The following VWC2L variants were observed in gnomAD, a reference collection of about 807,000 sequenced individuals.
VWC2L encodes von Willebrand factor C domain containing 2 like, also known as von Willebrand factor C domain-containing protein 2-like.
Under a neutral mutation model 21.6 loss-of-function variants are expected in VWC2L, and 10 were observed. The ratio of observed to expected loss-of-function variants is 0.46; its 90% CI spans 0.29 to 0.78. The LOEUF is 0.78. Among genes scored for constraint, VWC2L ranks in the 30% least tolerant of loss-of-function variants. The pLI is 0.10. For synonymous variants in VWC2L, 96 were observed against 94.3 expected (o/e 1.02, Z -0.10); for missense variants, 209 against 277.1 (o/e 0.75, Z 1.74).
chr2:214,425,373 A>G (rs987398502), intron 2 of VWC2L, among the ~76,000 whole-genome samples: 1 of 152,180 alleles, frequency 6.6e-6, no homozygotes, highest in Non-Finnish European at 1.5e-5. Context: ...TTTTAAATGT[A>G]TACATACTTA....
At chr2:214,494,515 C>A (rs1199490169) in intron 3 of VWC2L, among the ~76,000 whole-genome samples, 3 of 152,158 alleles carry the variant, frequency 2.0e-5, no homozygotes, top group African/African-American at 7.2e-5. Flanking sequence ...GGGCCTTTTT[C>A]CTCTTCCAAG....
intron 3 of VWC2L, among the ~76,000 whole-genome samples, chr2:214,505,474 G>C: frequency 6.6e-6 from 1 of 151,996 alleles, no homozygotes; most frequent in Admixed American, 6.5e-5. Flanking sequence ...ATAACTCCAA[G>C]CCTTGTTTTT....
chr2:214,470,461 G>T (rs1000029180), intron 3 of VWC2L, among the ~76,000 whole-genome samples: 1 of 152,066 alleles, frequency 6.6e-6, no homozygotes, highest in East Asian at 1.9e-4. Context: ...GTTTTTACAT[G>T]CTGCTGGGTG....
chr2:214,522,145 G>A (rs577479184), intron 3 of VWC2L, among the ~76,000 whole-genome samples: 1 of 152,236 alleles, frequency 6.6e-6, no homozygotes, highest in African/African-American at 2.4e-5. Flanking sequence ...GGAGGCCGAA[G>A]CGGGTGGATC....
chr2:214,544,737 T>A (rs546785515), intron 3 of VWC2L, among the ~76,000 whole-genome samples: 59 of 152,158 alleles, frequency 3.9e-4, no homozygotes, highest in African/African-American at 1.3e-3. Flanking sequence ...GCAAATATGA[T>A]GAGATGATTA....
intron 3 of VWC2L, among the ~76,000 whole-genome samples, chr2:214,501,957 C>G (rs960473215): frequency 2.6e-5 from 4 of 152,188 alleles, no homozygotes; most frequent in Non-Finnish European, 5.9e-5. Flanking sequence ...CACCTGCTGA[C>G]TGCAGCCACC....
chr2:214,411,876 G>A (rs568124846), intron 1 of VWC2L, 90 bp downstream of exon 1: 1 of 152,104 alleles, frequency 6.6e-6, no homozygotes, highest in East Asian at 1.9e-4. Context: ...ATGGGGAGGG[G>A]GGGAAAATTA....
chr2:214,511,552 G>A (rs1689053219), intron 3 of VWC2L, among the ~76,000 whole-genome samples: 1 of 152,124 alleles, frequency 6.6e-6, no homozygotes, highest in Non-Finnish European at 1.5e-5. Context: ...GGAAGAGGAT[G>A]CCTATCTGCA....
chr2:214,567,607 G>A (rs1559333846), intron 3 of VWC2L, among the ~76,000 whole-genome samples: 1 of 149,000 alleles, frequency 6.7e-6, no homozygotes, highest in Non-Finnish European at 1.5e-5. Flanking sequence ...GAGAGAGAGA[G>A]AGAGAGAGAT....
At chr2:214,447,007 G>A (rs1024880803) in intron 3 of VWC2L, among the ~76,000 whole-genome samples, 8 of 151,868 alleles carry the variant, frequency 5.3e-5, no homozygotes, top group African/African-American at 1.9e-4. Flanking sequence ...CTTCATTTAC[G>A]GTTTTTATAG....
chr2:214,457,837 C>G (rs535951983), intron 3 of VWC2L, among the ~76,000 whole-genome samples: 1 of 152,056 alleles, frequency 6.6e-6, no homozygotes. Flanking sequence ...GGTGCATTAT[C>G]TTTTGCATAT....
intron 3 of VWC2L, among the ~76,000 whole-genome samples, chr2:214,502,957 G>T (rs1029952430): frequency 3.3e-5 from 5 of 152,166 alleles, no homozygotes; most frequent in Admixed American, 2.6e-4. Flanking sequence ...GTTGTTGTGT[G>T]CATTTATTAG....
chr2:214,413,996 T>C (rs1032523100), intron 1 of VWC2L, 118 bp from the exon 2 acceptor site: 1 of 554,094 alleles, frequency 1.8e-6, no homozygotes, highest in Non-Finnish European at 3.0e-6. Context: ...ATGAACTTAG[T>C]CTATTTGAGG....
At chr2:214,443,298 G>C (rs1456414842) in intron 3 of VWC2L, among the ~76,000 whole-genome samples, 2 of 152,028 alleles carry the variant, frequency 1.3e-5, no homozygotes, top group African/African-American at 4.8e-5. Context: ...CTTCAACTTG[G>C]GAGGCAGAGG....
chr2:214,520,058 T>TACACACACACACACACACACACAC (rs60850327), intron 3 of VWC2L, among the ~76,000 whole-genome samples: 2 of 143,252 alleles, frequency 1.4e-5, no homozygotes, highest in Non-Finnish European at 1.5e-5. Context: ...GCTCCTGTTA[T>TACACACACACACACACACACACAC]ACACACACAC....
At chr2:214,463,797 C>A (rs576846606) in intron 3 of VWC2L, among the ~76,000 whole-genome samples, 2 of 152,130 alleles carry the variant, frequency 1.3e-5, no homozygotes, top group East Asian at 3.9e-4. Flanking sequence ...CTAAGATTTG[C>A]CCTTTTGAGG....
At chr2:214,437,100 C>T (rs1008820370) in intron 3 of VWC2L, among the ~76,000 whole-genome samples, 1 of 152,028 alleles carries the variant, frequency 6.6e-6, no homozygotes, top group Non-Finnish European at 1.5e-5. Context: ...AAGCAGTTCA[C>T]CCCATTTTGT....
At chr2:214,426,792 T>C (rs1484335722) in intron 2 of VWC2L, among the ~76,000 whole-genome samples, 2 of 152,244 alleles carry the variant, frequency 1.3e-5, no homozygotes, top group Admixed American at 6.5e-5. Context: ...GTTTTCATTT[T>C]GGGTGTATAT....
chr2:214,455,645 CTGTT>C (rs1156303854), intron 3 of VWC2L, among the ~76,000 whole-genome samples: 2 of 152,140 alleles, frequency 1.3e-5, no homozygotes, highest in Non-Finnish European at 2.9e-5. Flanking sequence ...CTTATTCCTT[CTGTT>C]TGTTTGTACC....
Sources: allele counts gnomAD v4.1 joint callset (sites outside exome capture counted in the v4.1 genomes callset), GRCh38; gene constraint gnomAD v4.1.1; transcripts MANE v1.5; gene names NCBI Gene and HGNC (gene_info 2026-07-23, HGNC 2026-07-21).